The following COL25A1 variants were observed in gnomAD, a reference collection of about 807,000 sequenced individuals.
COL25A1 encodes collagen type XXV alpha 1 chain, also known as collagen alpha-1(XXV) chain.
In COL25A1, 103 loss-of-function variants were observed where a neutral mutation model predicts 128.4. The observed-to-expected ratio is 0.80, with a 90% CI of 0.68 to 0.94. The LOEUF (loss-of-function observed/expected upper bound fraction) is 0.94, where lower values mean the gene tolerates loss of function less well. Ranked by LOEUF, COL25A1 falls within the 40% of genes least tolerant of loss-of-function variation. The pLI is 0.00. For synonymous variants in COL25A1, 279 were observed against 277.2 expected, an observed-to-expected ratio of 1.01 and a Z score of -0.06; for missense variants, 745 against 840.0, an observed-to-expected ratio of 0.89 and a Z score of 1.40.
intron 3 of COL25A1, among the ~76,000 whole-genome samples, chr4:109,212,050 T>C: frequency 6.6e-6 from 1 of 152,138 alleles, no homozygotes; most frequent in East Asian, 1.9e-4. Context: ...TTTTAAATAA[T>C]TCTCTAGTCA....
At chr4:108,864,549 C>T (rs1297787671) in intron 20 of COL25A1, among the ~76,000 whole-genome samples, 2 of 152,132 alleles carry the variant, frequency 1.3e-5, no homozygotes, top group Non-Finnish European at 1.5e-5. Context: ...ATAAATATGG[C>T]TACTGTCCTC....
intron 30 of COL25A1, among the ~76,000 whole-genome samples, chr4:108,843,037 T>G (rs1478255823): frequency 1.3e-5 from 2 of 150,776 alleles, no homozygotes; most frequent in African/African-American, 4.9e-5. Context: ...TTGTCCCAGC[T>G]ACTCAGGAGG....
chr4:109,048,218 T>C (rs746387788), intron 4 of COL25A1, 43 bp from the exon 5 acceptor site: 2 of 1,569,218 alleles, frequency 1.3e-6, no homozygotes, highest in Non-Finnish European at 1.8e-6. Context: ...AGAGAGGAGT[T>C]AGTGAATATG....
At chr4:109,195,203 G>T (rs535272620) in intron 3 of COL25A1, among the ~76,000 whole-genome samples, 5 of 152,140 alleles carry the variant, frequency 3.3e-5, no homozygotes, top group Non-Finnish European at 5.9e-5. Context: ...GCCAGGCCTA[G>T]CCCACTGGTC....
intron 3 of COL25A1, among the ~76,000 whole-genome samples, chr4:109,219,046 A>C (rs1321813930): frequency 6.6e-6 from 1 of 152,134 alleles, no homozygotes; most frequent in East Asian, 1.9e-4. Flanking sequence ...TAGGAGTCAG[A>C]GCAAACCCAT....
chr4:108,844,135 C>T (rs1273106085), intron 30 of COL25A1, among the ~76,000 whole-genome samples: 1 of 152,132 alleles, frequency 6.6e-6, no homozygotes, highest in African/African-American at 2.4e-5. Context: ...GTGATCTGCC[C>T]ACCTCGGCCT....
chr4:108,960,028 T>C (rs904631968), intron 8 of COL25A1, among the ~76,000 whole-genome samples: 8 of 152,132 alleles, frequency 5.3e-5, no homozygotes, highest in Non-Finnish European at 1.0e-4. Flanking sequence ...GTACTGAACT[T>C]ATTTAAAAAG....
intron 19 of COL25A1, among the ~76,000 whole-genome samples, chr4:108,870,252 T>C (rs1738544019): frequency 6.6e-6 from 1 of 152,088 alleles, no homozygotes; most frequent in Non-Finnish European, 1.5e-5. Context: ...CAAGACCCTG[T>C]CTCAAAGAAA....
At chr4:108,889,290 T>A (rs1578669072) in intron 17 of COL25A1, 34 bp from the exon 18 acceptor site, 2 of 1,611,948 alleles carry the variant, frequency 1.2e-6, no homozygotes, top group Non-Finnish European at 1.7e-6. Context: ...AAAAACACAG[T>A]CTTAAAAGAA....
intron 36 of COL25A1, 70 bp downstream of exon 36, chr4:108,819,182 A>G (rs1421879856): frequency 4.1e-6 from 5 of 1,216,460 alleles, no homozygotes; most frequent in African/African-American, 1.5e-5. Flanking sequence ...ACCACTTTAC[A>G]CTGATAGAGA....
intron 6 of COL25A1, among the ~76,000 whole-genome samples, chr4:109,000,123 A>G (rs999453243): frequency 5.9e-5 from 9 of 152,206 alleles, no homozygotes; most frequent in Admixed American, 1.3e-4. Flanking sequence ...AACAATAAAA[A>G]AAAGCTCTGC....
intron 18 of COL25A1, among the ~76,000 whole-genome samples, chr4:108,887,243 A>G (rs544649541): frequency 8.5e-5 from 13 of 152,250 alleles, no homozygotes; most frequent in South Asian, 8.3e-4. Flanking sequence ...GTGTCACAAT[A>G]TTCTGTACTT....
chr4:108,959,638 T>C (rs1269081720), intron 8 of COL25A1, among the ~76,000 whole-genome samples: 2 of 152,190 alleles, frequency 1.3e-5, no homozygotes, highest in Non-Finnish European at 2.9e-5. Flanking sequence ...GTAACAGTTA[T>C]AATATACAAT....
At chr4:109,005,423 T>C (rs1755869167) in intron 6 of COL25A1, among the ~76,000 whole-genome samples, 1 of 152,126 alleles carries the variant, frequency 6.6e-6, no homozygotes, top group South Asian at 2.1e-4. Flanking sequence ...CTAAACCATA[T>C]CAATCCCCCA....
chr4:109,042,544 T>C (rs77560842), intron 5 of COL25A1, among the ~76,000 whole-genome samples: 1,705 of 152,132 alleles, frequency 0.011, 34 homozygotes, highest in African/African-American at 0.039. Context: ...TATGCTGGTA[T>C]TTTACACTCA....
At chr4:108,896,086 C>T (rs1742098445) in intron 16 of COL25A1, among the ~76,000 whole-genome samples, 2 of 151,788 alleles carry the variant, frequency 1.3e-5, no homozygotes. Flanking sequence ...GCTGGGACTA[C>T]AGGCACCAAC....
chr4:109,287,906 T>C (rs1352288174), intron 3 of COL25A1, among the ~76,000 whole-genome samples: 1 of 152,096 alleles, frequency 6.6e-6, no homozygotes, highest in Non-Finnish European at 1.5e-5. Flanking sequence ...ATGGGAGACA[T>C]ATGGGCCAAG....
At chr4:108,824,721 T>C (rs900549593) in intron 34 of COL25A1, among the ~76,000 whole-genome samples, 2 of 152,208 alleles carry the variant, frequency 1.3e-5, no homozygotes, top group Admixed American at 1.3e-4. Flanking sequence ...TGAGCAGTGA[T>C]TGTGTCTAGA....
chr4:109,071,575 T>C lies in COL25A1; in HGVS notation c.368-21396A>G, dbSNP rs1762977047. On this transcript the variant is annotated intron_variant, in intron 3 of 37. Coordinates refer to ENST00000399132, the MANE Select transcript of COL25A1 (RefSeq NM_198721.4). ...TGACAAAGGGCTTATATTCAGAATC[T>C]ACAATGAACTCAAACAAATTTACAA... Among the ~76,000 whole-genome samples, 7 of 152,126 alleles carry C rather than the reference T, an allele frequency of 4.6e-5. No homozygotes were observed. The South Asian group carries it at 8.3e-4, about 18-fold the overall frequency.
Sources: allele counts gnomAD v4.1 joint callset (sites outside exome capture counted in the v4.1 genomes callset), GRCh38; gene constraint gnomAD v4.1.1; transcripts MANE v1.5; gene names NCBI Gene and HGNC (gene_info 2026-07-23, HGNC 2026-07-21).